LRBA: variants seen among roughly 807,000 people sequenced by gnomAD.
LRBA encodes LPS responsive beige-like anchor protein.
A neutral mutation model predicts 330.0 loss-of-function variants in LRBA; 176 were observed. That is an observed-to-expected ratio of 0.53 (90% CI 0.47 to 0.60). The LOEUF is 0.60. Ranked by LOEUF, LRBA falls within the 20% of genes least tolerant of loss-of-function variation. The probability of loss-of-function intolerance (pLI) is 0.00; values close to 1 mark genes in which losing one functional copy is unlikely to be tolerated. For missense variants in LRBA, 3,259 were observed against 3,444.8 expected (o/e 0.95, Z 1.35); for synonymous variants, 1,230 against 1,193.0 (o/e 1.03, Z -0.64).
chr4:150,813,287 T>G (rs1279601793), intron 31 of LRBA, among the ~76,000 whole-genome samples: 1 of 152,098 alleles, frequency 6.6e-6, no homozygotes, highest in Non-Finnish European at 1.5e-5. Flanking sequence ...CTAAAATCAC[T>G]TTCGCTTTTC....
intron 35 of LRBA, among the ~76,000 whole-genome samples, chr4:150,751,856 T>C (rs563095677): frequency 7.8e-4 from 119 of 152,226 alleles, no homozygotes; most frequent in African/African-American, 2.8e-3. Context: ...TTACAGCCCA[T>C]TGTCCACATC....
chr4:150,484,758 C>A (rs1184857815), intron 42 of LRBA, among the ~76,000 whole-genome samples: 1 of 151,838 alleles, frequency 6.6e-6, no homozygotes, highest in African/African-American at 2.4e-5. Context: ...CCCCCTTACC[C>A]TCTCCCTTCT....
At chr4:150,325,724 A>G (rs936015221) in intron 49 of LRBA, 85 bp downstream of exon 49, 6 of 933,888 alleles carry the variant, frequency 6.4e-6, no homozygotes, top group Non-Finnish European at 1.0e-5. Context: ...TGGTGGAGAA[A>G]CTCAAGCACA....
At chr4:150,639,765 A>ATG (rs1393495014) in intron 37 of LRBA, among the ~76,000 whole-genome samples, 2 of 5,364 alleles carry the variant, frequency 3.7e-4, no homozygotes, top group African/African-American at 1.1e-3. Flanking sequence ...ATATATATAT[A>ATG]TATATATATA....
intron 34 of LRBA, among the ~76,000 whole-genome samples, chr4:150,785,228 G>A (rs570575225): frequency 1.3e-5 from 2 of 152,222 alleles, no homozygotes; most frequent in South Asian, 2.1e-4. Flanking sequence ...GGGCGGGGGC[G>A]TGGGGACAGA....
At chr4:150,429,149 G>C (rs2151978827) in intron 46 of LRBA, among the ~76,000 whole-genome samples, 1 of 152,074 alleles carries the variant, frequency 6.6e-6, no homozygotes, top group East Asian at 1.9e-4. Context: ...GAAATATGAA[G>C]TCAGGGAGTA....
chr4:150,880,374 T>C (rs1728226656), intron 17 of LRBA, among the ~76,000 whole-genome samples: 1 of 151,930 alleles, frequency 6.6e-6, no homozygotes, highest in South Asian at 2.1e-4. Context: ...GCAAAAATCA[T>C]CTGGGCATGG....
chr4:150,822,207 G>A (rs1164190759), intron 30 of LRBA, among the ~76,000 whole-genome samples: 1 of 152,036 alleles, frequency 6.6e-6, no homozygotes, highest in Admixed American at 6.6e-5. Flanking sequence ...AAAATTATCT[G>A]TTGTTTTCTA....
intron 28 of LRBA, chr4:150,840,951 A>T (rs1748982592): frequency 8.5e-7 from 1 of 1,175,182 alleles, no homozygotes; most frequent in Non-Finnish European, 1.1e-6. Context: ...AGATAGGCTC[A>T]ATTTGAACAT....
At chr4:150,836,663 G>A (rs1426012120) in intron 28 of LRBA, among the ~76,000 whole-genome samples, 3 of 152,020 alleles carry the variant, frequency 2.0e-5, no homozygotes, top group African/African-American at 7.2e-5. Flanking sequence ...ATTTTATATT[G>A]AGTCATTCGA....
intron 40 of LRBA, among the ~76,000 whole-genome samples, chr4:150,585,963 T>TA (rs1561390887): frequency 6.6e-6 from 1 of 152,162 alleles, no homozygotes; most frequent in African/African-American, 2.4e-5. Flanking sequence ...AGTCCTGTGT[T>TA]AAAAATATAA....
intron 4 of LRBA, among the ~76,000 whole-genome samples, chr4:150,923,319 C>T (rs1210932434): frequency 1.3e-5 from 2 of 152,068 alleles, no homozygotes; most frequent in Non-Finnish European, 2.9e-5. Flanking sequence ...GCACTCCATC[C>T]TTTTTTCAGT....
At chr4:150,516,553 T>C (rs1217892545) in intron 40 of LRBA, among the ~76,000 whole-genome samples, 1 of 151,968 alleles carries the variant, frequency 6.6e-6, no homozygotes, top group Non-Finnish European at 1.5e-5. Context: ...GTTACTATAA[T>C]ATACAATACT....
chr4:150,408,539 T>C (rs968994648), intron 47 of LRBA, among the ~76,000 whole-genome samples: 1 of 152,160 alleles, frequency 6.6e-6, no homozygotes, highest in African/African-American at 2.4e-5. Context: ...TGTCTCATTC[T>C]ATGAGACTAG....
intron 37 of LRBA, among the ~76,000 whole-genome samples, chr4:150,676,671 T>C (rs1207629742): frequency 1.3e-5 from 2 of 152,184 alleles, no homozygotes; most frequent in African/African-American, 4.8e-5. Context: ...GGTTTCACTC[T>C]AGACCCATAT....
chr4:150,842,638 T>C (rs1749262611), intron 28 of LRBA, among the ~76,000 whole-genome samples: 1 of 152,166 alleles, frequency 6.6e-6, no homozygotes, highest in Non-Finnish European at 1.5e-5. Flanking sequence ...AAAGGAATAA[T>C]AACAGCTACT....
intron 40 of LRBA, among the ~76,000 whole-genome samples, chr4:150,525,282 T>C (rs935786276): frequency 1.3e-5 from 2 of 152,138 alleles, no homozygotes; most frequent in African/African-American, 2.4e-5. Context: ...TCTGGCTTTT[T>C]TTTTTCTACT....
At chr4:150,585,873 A>G (rs898614839) in intron 40 of LRBA, among the ~76,000 whole-genome samples, 2 of 152,276 alleles carry the variant, frequency 1.3e-5, no homozygotes, top group African/African-American at 4.8e-5. Context: ...TAGATGAAAA[A>G]CAAGAAAGCC....
At chr4:150,440,111 C>G (rs1317777119) in intron 44 of LRBA, among the ~76,000 whole-genome samples, 1 of 152,052 alleles carries the variant, frequency 6.6e-6, no homozygotes, top group Non-Finnish European at 1.5e-5. Flanking sequence ...CTACATAGAG[C>G]TTACTGTACA....
Sources: allele counts gnomAD v4.1 joint callset (sites outside exome capture counted in the v4.1 genomes callset), GRCh38; gene constraint gnomAD v4.1.1; transcripts MANE v1.5; gene names NCBI Gene and HGNC (gene_info 2026-07-23, HGNC 2026-07-21).